Variants in PCDHA6 observed in about 807,000 individuals in gnomAD.
The protein encoded by PCDHA6 is protocadherin alpha 6, also known as protocadherin alpha-6.
In PCDHA6, 55 loss-of-function variants were observed where a neutral mutation model predicts 60.3. That is an observed-to-expected ratio of 0.91 (90% CI 0.73 to 1.14). PCDHA6 has a LOEUF of 1.14. PCDHA6 is among the 50% of genes most tolerant of loss of function. PCDHA6 has a pLI of 0.00. For missense variants in PCDHA6, 1,327 were observed against 1,256.5 expected (o/e 1.06, Z -0.85); for synonymous variants, 652 against 557.9 (o/e 1.17, Z -2.38).
intron 3 of PCDHA6, among the ~76,000 whole-genome samples, chr5:140,990,966 A>G (rs2097424130): frequency 6.6e-6 from 1 of 152,214 alleles, no homozygotes; most frequent in Non-Finnish European, 1.5e-5. Context: ...GTCTCTTAGA[A>G]CAAGAGAAAG....
chr5:140,906,076 C>T (rs541119722), intron 1 of PCDHA6, among the ~76,000 whole-genome samples: 2 of 152,326 alleles, frequency 1.3e-5, no homozygotes, highest in African/African-American at 4.8e-5. Context: ...AGATCGCACC[C>T]ACCCAGACTG....
chr5:140,909,202 G>A (rs1849054), intron 1 of PCDHA6, among the ~76,000 whole-genome samples: 48,059 of 152,084 alleles, frequency 0.32, 7,957 homozygotes, highest in East Asian at 0.53. Context: ...ACACAAAGCC[G>A]GAGAGTTGAT....
At chr5:140,973,004 G>A (rs1183511655) in intron 1 of PCDHA6, among the ~76,000 whole-genome samples, 4 of 152,096 alleles carry the variant, frequency 2.6e-5, no homozygotes, top group African/African-American at 9.7e-5. Flanking sequence ...ATTTGTGGTC[G>A]TGGTGTTGTG....
chr5:140,980,465 A>G (rs1170047538), intron 2 of PCDHA6, among the ~76,000 whole-genome samples: 4 of 152,184 alleles, frequency 2.6e-5, no homozygotes, highest in African/African-American at 9.7e-5. Flanking sequence ...CCCTGTCTCT[A>G]CTAAAAATAC....
intron 1 of PCDHA6, among the ~76,000 whole-genome samples, chr5:140,902,200 TTTC>T (rs1318376699): frequency 6.9e-6 from 1 of 144,634 alleles, no homozygotes; most frequent in African/African-American, 2.7e-5. Flanking sequence ...TCTCTCTCTC[TTTC>T]TTTTTTTTTT....
intron 1 of PCDHA6, chr5:140,882,203 T>C: frequency 6.5e-7 from 1 of 1,530,090 alleles, no homozygotes; most frequent in East Asian, 2.3e-5. Context: ...AATTGGGCCT[T>C]GAGAGACAGT....
intron 1 of PCDHA6, among the ~76,000 whole-genome samples, chr5:140,978,103 A>G (rs2096789005): frequency 6.6e-6 from 1 of 152,106 alleles, no homozygotes; most frequent in South Asian, 2.1e-4. Flanking sequence ...AACTCCCCCA[A>G]CAGTCTTTAA....
At chr5:141,003,938 G>A (rs1195315346) in intron 3 of PCDHA6, among the ~76,000 whole-genome samples, 1 of 152,178 alleles carries the variant, frequency 6.6e-6, no homozygotes, top group Non-Finnish European at 1.5e-5. Flanking sequence ...GTCTTTGCCT[G>A]AGGGTGAGCT....
chr5:140,997,559 T>A (rs550494855), intron 3 of PCDHA6, among the ~76,000 whole-genome samples: 2 of 152,148 alleles, frequency 1.3e-5, no homozygotes, highest in South Asian at 4.1e-4. Flanking sequence ...ACAGGACAAC[T>A]GTCATATGTG....
chr5:141,002,442 A>G (rs1177854570), intron 3 of PCDHA6, among the ~76,000 whole-genome samples: 3 of 152,218 alleles, frequency 2.0e-5, no homozygotes, highest in Non-Finnish European at 4.4e-5. Context: ...AACCATAATA[A>G]TTGGCACATT....
At chr5:140,951,543 CG>C (rs1201907714) in intron 1 of PCDHA6, among the ~76,000 whole-genome samples, 2 of 151,550 alleles carry the variant, frequency 1.3e-5, no homozygotes, top group Admixed American at 1.3e-4. Flanking sequence ...GAGCAAGGGA[CG>C]GGGGGAAGTG....
intron 1 of PCDHA6, chr5:140,836,227 C>G: frequency 6.2e-7 from 1 of 1,613,736 alleles, no homozygotes; most frequent in African/African-American, 1.3e-5. Context: ...CAACCGGTGG[C>G]GGCCGGTGCG....
At chr5:140,935,232 A>G (rs2090253350) in intron 1 of PCDHA6, among the ~76,000 whole-genome samples, 1 of 152,110 alleles carries the variant, frequency 6.6e-6, no homozygotes, top group African/African-American at 2.4e-5. Context: ...AGGGATGTCT[A>G]TTTTTTAAAA....
At chr5:140,866,264 G>C (rs908649642) in intron 1 of PCDHA6, 1 of 152,052 alleles carries the variant, frequency 6.6e-6, no homozygotes, top group Admixed American at 6.5e-5. Flanking sequence ...TTTCTTTACT[G>C]TGAATAAAGA....
chr5:141,005,701 C>CAAAA (rs59860837), intron 3 of PCDHA6, among the ~76,000 whole-genome samples: 118 of 7,756 alleles, frequency 0.015, 2 homozygotes, highest in East Asian at 0.044. Flanking sequence ...AACTCCGTCT[C>CAAAA]AAAAAAAAAA....
chr5:140,983,900 G>T (rs1345141422), intron 3 of PCDHA6, among the ~76,000 whole-genome samples: 1 of 152,198 alleles, frequency 6.6e-6, no homozygotes, highest in Admixed American at 6.5e-5. Context: ...GGCATTCGTT[G>T]ATTCTAATCA....
intron 1 of PCDHA6, among the ~76,000 whole-genome samples, chr5:140,937,708 C>G (rs535447052): frequency 6.6e-6 from 1 of 151,944 alleles, no homozygotes; most frequent in South Asian, 2.1e-4. Flanking sequence ...GTCAGGAGAT[C>G]AAGACCATCC....
chr5:140,842,894 C>T, intron 1 of PCDHA6: 1 of 1,594,372 alleles, frequency 6.3e-7, no homozygotes, highest in Non-Finnish European at 8.6e-7. Flanking sequence ...GCCGCTGGAC[C>T]ACGAGGAGCT....
chr5:140,852,802 T>G (rs2042479585), intron 1 of PCDHA6: 1 of 976,830 alleles, frequency 1.0e-6, no homozygotes, highest in Admixed American at 6.3e-5. Context: ...CAGATGTCAT[T>G]TGTCTCCCGC....
Sources: gnomAD v4.1 joint callset for allele counts (sites outside exome capture counted in the v4.1 genomes callset) on GRCh38, gnomAD v4.1.1 for gene constraint, MANE v1.5 for transcripts, NCBI Gene and HGNC (gene_info 2026-07-23, HGNC 2026-07-21) for gene names.